Variants in RSRP1 observed in about 807,000 individuals in gnomAD.
RSRP1 encodes the protein arginine/serine-rich protein 1.
RSRP1 carries 37 observed loss-of-function variants against 33.0 expected under a neutral mutation model. The ratio of observed to expected loss-of-function variants is 1.12; its 90% CI spans 0.86 to 1.48. The LOEUF (loss-of-function observed/expected upper bound fraction) is 1.48. RSRP1 is among the 40% of genes most tolerant of loss of function. The pLI is 0.00. For synonymous variants in RSRP1, 167 were observed against 158.7 expected (o/e 1.05, Z -0.40); for missense variants, 402 against 385.3 (o/e 1.04, Z -0.36).
chr1:25,277,009 G>C (rs1478981916), intron 1 of RSRP1, among the ~76,000 whole-genome samples: 1 of 132,298 alleles, frequency 7.6e-6, no homozygotes, highest in African/African-American at 2.6e-5. Context: ...GGAGCTTTCA[G>C]TGAGCTGAGA....
chr1:25,274,185 G>A lies in RSRP1; in HGVS notation c.-66-27156C>T, dbSNP rs202204321. Among the ~76,000 whole-genome samples the A allele has an allele frequency of 1.4e-4, 18 of 131,968 alleles. 3 individuals carry two copies. The East Asian group carries it at 2.7e-3, about 20-fold the overall frequency. The allele number at this position is 131,968 out of a possible 152,430, so 86.6% of individuals were successfully genotyped here. ...TTGAACCCTCACAATAACCCAATGA[G>A]GTGGGTACTATTATGATCTTCGTTT... On this transcript the variant is annotated intron_variant, in intron 1 of 1. Coordinates refer to the RSRP1 transcript ENST00000561867.
chr1:25,315,290 G>C (rs1188642664), intron 1 of RSRP1, among the ~76,000 whole-genome samples: 2 of 129,062 alleles, frequency 1.5e-5, no homozygotes, highest in African/African-American at 5.3e-5. Flanking sequence ...CTGAGGTTTT[G>C]ATAACCTGAA....
intron 1 of RSRP1, among the ~76,000 whole-genome samples, chr1:25,322,392 G>A (rs1429406860): frequency 7.5e-6 from 1 of 133,250 alleles, no homozygotes; most frequent in Admixed American, 7.3e-5. Flanking sequence ...CTTACAACTG[G>A]CTGGGCACGG....
At position 25,262,312 on chromosome 1, in the gene RSRP1, C is replaced by T. The variant is rs539598722; in HGVS notation, c.-66-15283G>A. Among the ~76,000 whole-genome samples the T allele has an allele frequency of 5.9e-5, 9 of 152,294 alleles. No homozygotes were observed. The East Asian group carries it at 1.5e-3, about 26-fold the overall frequency. ...TTAACCAATATTTATTGAGTGCCAA[C>T]TTTGAGCCTAAGATACAGCAGTAAA... On this transcript the variant is annotated intron_variant, in intron 1 of 1. Transcript: ENST00000561867.
At chr1:25,252,690 C>T (rs944156472) in intron 1 of RSRP1, among the ~76,000 whole-genome samples, 4 of 152,168 alleles carry the variant, frequency 2.6e-5, no homozygotes, top group African/African-American at 2.4e-5. Flanking sequence ...CCAGCAACTA[C>T]GCCCAGCTAA....
In RSRP1 at chr1:25,246,571, G is replaced by A; in HGVS notation, c.393C>T (p.Tyr131=). ...SRGRSYCGRA[Y]AIARGQRYYG... ...AGTAGCGCTGTCCCCGCGCGATCGC[G>A]TACGCCCTTCCGCAGTACGACCTTC... Residue 131 remains tyrosine (Y), a synonymous_variant, in exon 2 of 5, where the codon TAC becomes TAT. Coordinates refer to ENST00000243189, the MANE Select transcript of RSRP1 (RefSeq NM_020317.5). 2 of 1,614,222 alleles carry A rather than the reference G, an allele frequency of 1.2e-6. No homozygotes were observed. Among genetic ancestry groups the A allele is most frequent in the Middle Eastern group, 1.6e-4 (1 of 6,062 alleles).
Position 25,332,489 on chromosome 1 carries a change from C to T in RSRP1, c.-67+5489G>A, listed in dbSNP as rs190327176. 2.7e-3 allele frequency among the ~76,000 whole-genome samples: 352 copies of T among 131,262 alleles called. 76 individuals carry two copies. The South Asian group carries it at 0.071, about 26-fold the overall frequency. 86.1% of individuals were successfully genotyped at this position (131,262 alleles called of 152,430 possible). ...CTATAGTCCCTGTTATTAAGTAATC[C>T]GTAGTCTGACTAAACCATTAGAAAT... On this transcript the variant is annotated intron_variant, in intron 1 of 1. Transcript: ENST00000561867.
chr1:25,246,363 C>T, intron 2 of RSRP1, 81 bp downstream of exon 2: 1 of 1,545,242 alleles, frequency 6.5e-7, no homozygotes, highest in South Asian at 1.2e-5. Context: ...ATTGAAACTA[C>T]ACAGCAACGT....
rs201345482 is a variant in RSRP1, at chr1:25,321,912, T to C, written c.-67+16066A>G. On this transcript the variant is annotated intron_variant, in intron 1 of 1. Transcript: ENST00000561867. ...AGGTTTGCTCCTAAATCTTAAAATA[T>C]GGAAAGCACCTCATGAGGCTAAATA... The C allele has an allele frequency of 3.1e-5, 41 of 1,331,308 alleles. 7 individuals carry two copies. The highest frequency in any genetic ancestry group is 3.5e-5 in the Non-Finnish European group (33 of 936,672). The allele number at this position is 1,331,308 out of a possible 1,614,324, so 82.5% of individuals were successfully genotyped here.
At position 25,246,979 on chromosome 1, in the gene RSRP1, T is replaced by G. The variant is rs1242503360; in HGVS notation, c.-16A>C. The stretch of plus-strand genomic sequence containing the variant: ...AGTTGGACATCTTCACCTGCGGCTT[T>G]AGCCTGCGCTTTCTCCGGAAAGGAT... On this transcript the variant is annotated 5_prime_UTR_variant, in exon 2 of 5. Coordinates refer to ENST00000243189, the MANE Select transcript of RSRP1 (RefSeq NM_020317.5). The G allele has an allele frequency of 1.0e-5, 16 of 1,539,822 alleles. No individual in the cohort carries two copies. Among genetic ancestry groups the G allele is most frequent in the Non-Finnish European group, 1.4e-5 (16 of 1,141,666 alleles).
intron 1 of RSRP1, among the ~76,000 whole-genome samples, chr1:25,285,750 A>C (rs1418077134): frequency 2.2e-5 from 3 of 135,242 alleles, no homozygotes; most frequent in Non-Finnish European, 5.3e-5. Context: ...AATAGGAGGA[A>C]GTAGGCTAAA....
At chr1:25,246,384 G>A (rs1639393451) in intron 2 of RSRP1, 60 bp downstream of exon 2, 3 of 1,574,228 alleles carry the variant, frequency 1.9e-6, no homozygotes, top group Non-Finnish European at 2.6e-6. Flanking sequence ...TGGTTCCCTA[G>A]CCTACTCATA....
At position 25,255,454 on chromosome 1, in the gene RSRP1, G is replaced by C. The variant is rs183840838; in HGVS notation, c.-66-8425C>G. On this transcript the variant is annotated intron_variant, in intron 1 of 1. Transcript: ENST00000561867. ...GACAACAAATAACCTTTACTTCAAGGTACAATGCAATGAAGCCATTATTTT... is the reference window on the plus strand; with the variant it reads ...GACAACAAATAACCTTTACTTCAAGCTACAATGCAATGAAGCCATTATTTT... Among the ~76,000 whole-genome samples, 75 of 152,172 alleles carry C rather than the reference G, an allele frequency of 4.9e-4. 1 individual carries two copies. Among genetic ancestry groups the C allele is most frequent in the Admixed American group, 1.0e-3 (16 of 15,274 alleles).
rs1390966953 is a variant in RSRP1, at chr1:25,320,379, A to G, written c.-67+17599T>C. 3.0e-5 allele frequency among the ~76,000 whole-genome samples: 4 copies of G among 132,138 alleles called. 1 individual carries two copies. Among genetic ancestry groups the G allele is most frequent in the African/African-American group, 1.0e-4 (4 of 38,842 alleles). The allele number at this position is 132,138 out of a possible 152,430, so 86.7% of individuals were successfully genotyped here. A position where few individuals can be genotyped will look rare whatever the true frequency, so the allele number is the denominator to read the frequency against. On this transcript the variant is annotated intron_variant, in intron 1 of 1. Coordinates refer to the RSRP1 transcript ENST00000561867. The stretch of plus-strand genomic sequence containing the variant: ...TAAATATGTTTAATGTTGTCTCAGA[A>G]GACAAAATATATTTTAGACAGATAT...
chr1:25,254,693 C>T (rs1270940052), intron 1 of RSRP1, among the ~76,000 whole-genome samples: 1 of 152,164 alleles, frequency 6.6e-6, no homozygotes, highest in Non-Finnish European at 1.5e-5. Context: ...CTCAGCCTCC[C>T]AGAGCACTGG....
chr1:25,319,671 T>C (rs1368870583), intron 1 of RSRP1, among the ~76,000 whole-genome samples: 1 of 132,038 alleles, frequency 7.6e-6, no homozygotes, highest in Non-Finnish European at 1.8e-5. Context: ...GCAGCCAAAA[T>C]TGCACCAAAT....
rs1337639898 is a variant in RSRP1 at position 25,306,616 on chromosome 1, G to A, written c.-67+31362C>T. On this transcript the variant is annotated intron_variant, in intron 1 of 1. Coordinates refer to the RSRP1 transcript ENST00000561867. ...CACAGGGGTGTTGTAACCGAGTGCT[G>A]GGGATTCCCCACAGCTCCATCATGG... The A allele has an allele frequency of 9.4e-6, 13 of 1,378,086 alleles. No individual in the cohort carries two copies. The East Asian group carries it at 2.9e-4, about 31-fold the overall frequency. The allele number at this position is 1,378,086 out of a possible 1,614,324, so 85.4% of individuals were successfully genotyped here. A position where few individuals can be genotyped will look rare whatever the true frequency, so the allele number is the denominator to read the frequency against.
intron 3 of RSRP1, 89 bp downstream of exon 3, chr1:25,245,061 C>CA: frequency 6.2e-7 from 1 of 1,610,164 alleles, no homozygotes; most frequent in Non-Finnish European, 8.5e-7. Flanking sequence ...CTAGACTTCC[C>CA]AAAAAGTATA....
At chr1:25,244,616 G>A (rs1639190427) in intron 3 of RSRP1, 1 of 1,256,266 alleles carries the variant, frequency 8.0e-7, no homozygotes, top group Non-Finnish European at 1.0e-6. Flanking sequence ...AGAAAAACTA[G>A]TAATAGAAAT....
Sources: gnomAD v4.1 joint callset for allele counts (sites outside exome capture counted in the v4.1 genomes callset) on GRCh38, gnomAD v4.1.1 for gene constraint, MANE v1.5 for transcripts, NCBI Gene and HGNC (gene_info 2026-07-23, HGNC 2026-07-21) for gene names.